PCLO: variants seen among roughly 807,000 people sequenced by gnomAD.
PCLO encodes protein piccolo.
In PCLO, 82 loss-of-function variants were observed where a neutral mutation model predicts 427.5. That is an observed-to-expected ratio of 0.19 (90% CI 0.16 to 0.23). The LOEUF is 0.23. PCLO is among the 10% of genes least tolerant of loss of function. The pLI, the probability that PCLO is intolerant of heterozygous loss-of-function variation, is 1.00. For synonymous variants in PCLO, 2,357 were observed against 2,155.4 expected (o/e 1.09, Z -2.59); for missense variants, 6,239 against 6,115.9 (o/e 1.02, Z -0.67).
At chr7:82,933,603 T>C (rs777537552) in intron 6 of PCLO, among the ~76,000 whole-genome samples, 3 of 124,446 alleles carry the variant, frequency 2.4e-5, no homozygotes, top group African/African-American at 6.0e-5. Flanking sequence ...ATATAAGAAA[T>C]GAAGAAATGC....
chr7:82,877,030 A>C (rs1360799199), intron 10 of PCLO, among the ~76,000 whole-genome samples: 1 of 152,202 alleles, frequency 6.6e-6, no homozygotes, highest in Non-Finnish European at 1.5e-5. Flanking sequence ...CAAAAATATT[A>C]GTTCCGAAAT....
intron 2 of PCLO, among the ~76,000 whole-genome samples, chr7:83,139,548 T>C (rs1289123829): frequency 6.6e-6 from 1 of 152,218 alleles, no homozygotes; most frequent in Admixed American, 6.5e-5. Flanking sequence ...TAAATGTACA[T>C]GGATATATCT....
chr7:82,884,814 T>C (rs977305536), intron 9 of PCLO, among the ~76,000 whole-genome samples: 6 of 150,918 alleles, frequency 4.0e-5, no homozygotes, highest in Non-Finnish European at 8.9e-5. Context: ...AGAAAATTCT[T>C]TTTTTTTTTG....
At chr7:82,815,073 T>G (rs114032778) in intron 20 of PCLO, among the ~76,000 whole-genome samples, 2,629 of 147,554 alleles carry the variant, frequency 0.018, 93 homozygotes, top group African/African-American at 0.063. Flanking sequence ...ATTATTGATA[T>G]TAGCATTCAT....
intron 10 of PCLO, among the ~76,000 whole-genome samples, chr7:82,864,271 C>T (rs1793037305): frequency 6.6e-6 from 1 of 152,052 alleles, no homozygotes; most frequent in African/African-American, 2.4e-5. Flanking sequence ...AAAGAGAATA[C>T]TAAATTCTGG....
intron 10 of PCLO, among the ~76,000 whole-genome samples, chr7:82,847,675 T>C (rs578223498): frequency 6.6e-6 from 1 of 152,198 alleles, no homozygotes; most frequent in Non-Finnish European, 1.5e-5. Flanking sequence ...ATGGGAGCAG[T>C]AGAAAAAAGT....
intron 22 of PCLO, among the ~76,000 whole-genome samples, chr7:82,772,478 A>AT (rs1007650084): frequency 6.6e-6 from 1 of 151,912 alleles, no homozygotes; most frequent in East Asian, 1.9e-4. Flanking sequence ...GTTTTCATTA[A>AT]TTTTTTTTCC....
At chr7:83,053,627 C>T (rs961059821) in intron 3 of PCLO, among the ~76,000 whole-genome samples, 1 of 151,888 alleles carries the variant, frequency 6.6e-6, no homozygotes, top group Non-Finnish European at 1.5e-5. Context: ...TTAGTTAGAT[C>T]GACATTGACC....
At chr7:82,949,414 G>T in intron 6 of PCLO, 62 bp downstream of exon 6, 1 of 1,312,408 alleles carries the variant, frequency 7.6e-7, no homozygotes, top group Non-Finnish European at 1.1e-6. Context: ...CCTCCTAAAA[G>T]TCTGAAAACA....
chr7:82,987,749 A>G (rs1036826078), intron 3 of PCLO, among the ~76,000 whole-genome samples: 1 of 152,128 alleles, frequency 6.6e-6, no homozygotes, highest in African/African-American at 2.4e-5. Context: ...ACCAACAATC[A>G]GTATAGGTTA....
At chr7:83,061,262 G>A (rs1275016661) in intron 3 of PCLO, among the ~76,000 whole-genome samples, 1 of 152,094 alleles carries the variant, frequency 6.6e-6, no homozygotes, top group Non-Finnish European at 1.5e-5. Flanking sequence ...TTTTTCATTA[G>A]AGTCCTCTTG....
chr7:82,883,891 T>A (rs1793568958), intron 9 of PCLO, among the ~76,000 whole-genome samples: 1 of 152,156 alleles, frequency 6.6e-6, no homozygotes, highest in Non-Finnish European at 1.5e-5. Flanking sequence ...TGCCTCGGCC[T>A]CCCTAGTAGC....
intron 3 of PCLO, among the ~76,000 whole-genome samples, chr7:83,067,143 T>C (rs1183312591): frequency 6.6e-6 from 1 of 152,228 alleles, no homozygotes; most frequent in Admixed American, 6.5e-5. Flanking sequence ...TCTCATTATG[T>C]ATATGCAGAT....
At position 82,951,968 on chromosome 7, in the gene PCLO, A is replaced by C. The variant is rs1217155281; in HGVS notation, c.8985T>G (p.Ser2995=). ...GTCCAGCTTCTGCTAAATTTGTGTC[A>C]GACATGGAAGGCTTCATTCCCCCAA... ...RGIGGMKPSM[S]DTNLAEAGHF... Residue 2995 remains serine (S), a synonymous_variant, in exon 5 of 25, where the codon TCT becomes TCG. Coordinates refer to ENST00000333891, the MANE Select transcript of PCLO (RefSeq NM_033026.6). 1 of 1,613,920 alleles carries C rather than the reference A, an allele frequency of 6.2e-7. No homozygotes were observed. Among genetic ancestry groups the C allele is most frequent in the Admixed American group, 1.7e-5 (1 of 60,002 alleles).
At chr7:83,147,176 G>A (rs1236321658) in intron 2 of PCLO, among the ~76,000 whole-genome samples, 1 of 151,516 alleles carries the variant, frequency 6.6e-6, no homozygotes, top group Non-Finnish European at 1.5e-5. Flanking sequence ...TAAATCCAGG[G>A]AATATCCAAA....
At chr7:82,995,167 G>C (rs1796467569) in intron 3 of PCLO, among the ~76,000 whole-genome samples, 1 of 151,974 alleles carries the variant, frequency 6.6e-6, no homozygotes. Context: ...TGAACTCTTT[G>C]GGAAAAGATG....
chr7:83,070,634 G>A (rs894164197), intron 3 of PCLO, among the ~76,000 whole-genome samples: 7 of 152,102 alleles, frequency 4.6e-5, no homozygotes, highest in African/African-American at 1.4e-4. Flanking sequence ...TGATCCGCCC[G>A]CCTCGGCCTC....
At chr7:82,907,458 T>C (rs976408957) in intron 8 of PCLO, among the ~76,000 whole-genome samples, 1 of 151,942 alleles carries the variant, frequency 6.6e-6, no homozygotes, top group African/African-American at 2.4e-5. Context: ...ATCTTAGTAA[T>C]TGTAGATAAA....
chr7:82,934,570 T>G (rs1794908947), intron 6 of PCLO, among the ~76,000 whole-genome samples: 1 of 151,820 alleles, frequency 6.6e-6, no homozygotes, highest in Middle Eastern at 3.2e-3. Flanking sequence ...TGTGTTCTAA[T>G]ATGAAACTGC....
Sources: gnomAD v4.1 joint callset for allele counts (sites outside exome capture counted in the v4.1 genomes callset) on GRCh38, gnomAD v4.1.1 for gene constraint, MANE v1.5 for transcripts, NCBI Gene and HGNC (gene_info 2026-07-23, HGNC 2026-07-21) for gene names.